The following MRPL19 variants were observed in gnomAD, a reference collection of about 807,000 sequenced individuals.
The protein encoded by MRPL19 is mitochondrial ribosomal protein L19, also known as large ribosomal subunit protein bL19m.
MRPL19 carries 31 observed loss-of-function variants against 34.0 expected under a neutral mutation model. The ratio of observed to expected loss-of-function variants is 0.91; its 90% CI spans 0.68 to 1.23. The LOEUF (loss-of-function observed/expected upper bound fraction) is 1.23, where lower values mean the gene tolerates loss of function less well. MRPL19 is among the 50% of genes most tolerant of loss of function. The pLI is 0.00. For missense variants in MRPL19, 384 were observed against 367.6 expected, an observed-to-expected ratio of 1.04 and a Z score of -0.37; for synonymous variants, 152 against 127.7, an observed-to-expected ratio of 1.19 and a Z score of -1.28.
Position 75,654,784 on chromosome 2 carries a change from AGGT to A in MRPL19, c.528_530del (p.Val177del). The A allele has an allele frequency of 6.2e-7, 1 of 1,613,818 alleles. No homozygotes were observed. The highest frequency in any genetic ancestry group is 8.5e-7 in the Non-Finnish European group (1 of 1,179,826). ...TATAATCCTCGGGTCCAGGAGATTCAGGTGGTCAAATTAGAGAAACGGCTGGAT... is the reference window on the plus strand; with the variant it reads ...TATAATCCTCGGGTCCAGGAGATTCAGGTCAAATTAGAGAAACGGCTGGAT... On this transcript the variant is annotated inframe_deletion, in exon 5 of 6. Coordinates refer to ENST00000393909, the MANE Select transcript of MRPL19 (RefSeq NM_014763.4).
rs1678483857 is a variant in MRPL19 at position 75,657,421 on chromosome 2, G to A, written c.*2136G>A. On this transcript the variant is annotated 3_prime_UTR_variant, in exon 6 of 6. Coordinates refer to ENST00000393909, the MANE Select transcript of MRPL19 (RefSeq NM_014763.4). ...GGGGTCTGTCAGACAGCAGCTTTCA[G>A]CTACTTCCTTGATCTTTTTCACTAA... 6.6e-6 allele frequency: 1 copy of A among 152,062 alleles called. No homozygotes were observed. Among genetic ancestry groups the A allele is most frequent in the Admixed American group, 6.6e-5 (1 of 15,264 alleles). The allele number at this position is 152,062 out of a possible 1,614,324, so 9.4% of individuals were successfully genotyped here. A position where few individuals can be genotyped will look rare whatever the true frequency, so the allele number is the denominator to read the frequency against.
intron 4 of MRPL19, among the ~76,000 whole-genome samples, chr2:75,653,898 GCA>G (rs1377122416): frequency 6.6e-6 from 1 of 152,058 alleles, no homozygotes; most frequent in Non-Finnish European, 1.5e-5. Flanking sequence ...AGTTTTCTTG[GCA>G]CAGTCTCCAA....
chr2:75,651,399 G>T, intron 2 of MRPL19: 1 of 537,454 alleles, frequency 1.9e-6, no homozygotes, highest in South Asian at 1.4e-5. Flanking sequence ...TAAAGTTACT[G>T]ACTCGCTGCC....
rs1678585635 is a variant in MRPL19, at chr2:75,660,460, TG to T, written c.*5177del. 1 of 152,204 alleles carries T rather than the reference TG, an allele frequency of 6.6e-6. No individual in the cohort carries two copies. The highest frequency in any genetic ancestry group is 1.5e-5 in the Non-Finnish European group (1 of 68,036). The allele number at this position is 152,204 out of a possible 1,614,324, so 9.4% of individuals were successfully genotyped here. A position where few individuals can be genotyped will look rare whatever the true frequency, so the allele number is the denominator to read the frequency against. On this transcript the variant is annotated 3_prime_UTR_variant, in exon 6 of 6. Transcript: ENST00000393909. ...AACTGTATGTTTGAACATCATAACG[TG>T]GTGGCCCTGAAAATCAGATATTCCC...
rs903976083 is a variant in MRPL19 at position 75,656,710 on chromosome 2, T to C, written c.*1425T>C. 23 of 152,206 alleles carry C rather than the reference T, an allele frequency of 1.5e-4. No homozygotes were observed. The highest frequency in any genetic ancestry group is 5.5e-4 in the African/African-American group (23 of 41,448). The allele number at this position is 152,206 out of a possible 1,614,324, so 9.4% of individuals were successfully genotyped here. On this transcript the variant is annotated 3_prime_UTR_variant, in exon 6 of 6. Transcript: ENST00000393909. Reference sequence around the variant, plus strand: ...CATTTTGATTTCCCCATCATAAATTTCATGATGATGTGTCTTGGTGTGGGT... The same window carrying C: ...CATTTTGATTTCCCCATCATAAATTCCATGATGATGTGTCTTGGTGTGGGT...
chr2:75,650,436 C>G (rs3771872), intron 2 of MRPL19, among the ~76,000 whole-genome samples: 1 of 152,066 alleles, frequency 6.6e-6, no homozygotes, highest in Non-Finnish European at 1.5e-5. Flanking sequence ...GAACCAGCAA[C>G]TTAGGGAAAT....
chr2:75,658,953 G>GTT lies in MRPL19; in HGVS notation c.*3673_*3674dup, dbSNP rs913764790. Among the ~76,000 whole-genome samples, 1 of 151,706 alleles carries GTT rather than the reference G, an allele frequency of 6.6e-6. No homozygotes were observed. Among genetic ancestry groups the GTT allele is most frequent in the African/African-American group, 2.4e-5 (1 of 41,288 alleles). On this transcript the variant is annotated 3_prime_UTR_variant, in exon 6 of 6. Transcript: ENST00000393909. The stretch of plus-strand genomic sequence containing the variant: ...GCATATCACTATCTTGTTTTGTTTT[G>GTT]TTTTTTCTGTCCATTCTGCCAATTT...
At position 75,656,674 on chromosome 2, in the gene MRPL19, A is replaced by C. The variant is rs1678461175; in HGVS notation, c.*1389A>C. 6.6e-6 allele frequency: 1 copy of C among 151,982 alleles called. No homozygotes were observed. Among genetic ancestry groups the C allele is most frequent in the Non-Finnish European group, 1.5e-5 (1 of 67,978 alleles). The allele number at this position is 151,982 out of a possible 1,614,324, so 9.4% of individuals were successfully genotyped here. A position where few individuals can be genotyped will look rare whatever the true frequency, so the allele number is the denominator to read the frequency against. ...TCTTTGTTTCTATTGTTGTATTGAGAAATCCAATGCCATTTTGATTTCCCC... is the reference window on the plus strand; with the variant it reads ...TCTTTGTTTCTATTGTTGTATTGAGCAATCCAATGCCATTTTGATTTCCCC... On this transcript the variant is annotated 3_prime_UTR_variant, in exon 6 of 6. Transcript: ENST00000393909.
At position 75,652,526 on chromosome 2, in the gene MRPL19, G is replaced by A; in HGVS notation, c.344G>A (p.Ser115Asn). ...VLHIPEFYVG[S>N]ILRVTTADPY... ...CACTTCTCTTTTGAATTTGTAGGAA[G>A]TATTCTTCGTGTTACTACAGCTGAC... Residue 115 changes from serine (S) to asparagine (N), a missense_variant, in exon 4 of 6, where the codon AGT (serine) becomes AAT (asparagine). Ser to Asn is a conservative substitution (Grantham distance 46). Coordinates refer to ENST00000393909, the MANE Select transcript of MRPL19 (RefSeq NM_014763.4). 1 of 1,610,210 alleles carries A rather than the reference G, an allele frequency of 6.2e-7. No individual in the cohort carries two copies. Among genetic ancestry groups the A allele is most frequent in the Non-Finnish European group, 8.5e-7 (1 of 1,178,904 alleles).
At chr2:75,651,382 C>T (rs1178868838) in intron 2 of MRPL19, 1 of 535,556 alleles carries the variant, frequency 1.9e-6, no homozygotes, top group East Asian at 5.4e-5. Flanking sequence ...CGCATATGTA[C>T]CTGGCTTAAA....
Position 75,660,343 on chromosome 2 carries a change from T to C in MRPL19, c.*5058T>C, listed in dbSNP as rs1678579405. The C allele has an allele frequency of 6.6e-6, 1 of 152,210 alleles. No individual in the cohort carries two copies. The highest frequency in any genetic ancestry group is 1.5e-5 in the Non-Finnish European group (1 of 68,032). The allele number at this position is 152,210 out of a possible 1,614,324, so 9.4% of individuals were successfully genotyped here. ...TAAAGTCTTTGCATAGTAAGTCCAA[T>C]GTCTGTGTTTCTTCAGGGATGGTTT... On this transcript the variant is annotated 3_prime_UTR_variant, in exon 6 of 6. Coordinates refer to ENST00000393909, the MANE Select transcript of MRPL19 (RefSeq NM_014763.4).
At chr2:75,647,364 ACTGTTCTT>A (rs1678247509) in intron 2 of MRPL19, 145 bp downstream of exon 2, 2 of 716,136 alleles carry the variant, frequency 2.8e-6, no homozygotes, top group East Asian at 6.0e-5. Flanking sequence ...AGCGCACCAC[ACTGTTCTT>A]TCTTTCTCAC....
intron 4 of MRPL19, among the ~76,000 whole-genome samples, chr2:75,652,939 A>C (rs138463439): frequency 2.0e-4 from 31 of 152,382 alleles, no homozygotes; most frequent in African/African-American, 7.0e-4. Flanking sequence ...ATAAATTACT[A>C]TAAAGCAGTA....
chr2:75,648,522 A>C lies in MRPL19; in HGVS notation c.221+1303A>C, dbSNP rs181255220. Among the ~76,000 whole-genome samples the C allele has an allele frequency of 1.8e-3, 277 of 152,286 alleles. 2 individuals carry two copies. The highest frequency in any genetic ancestry group is 0.01 in the Middle Eastern group (3 of 294). On this transcript the variant is annotated intron_variant, in intron 2 of 5. Transcript: ENST00000393909. ...TTTCACAAATCTGTGTGTAAAAAAA[A>C]CCTTTAGAATCATTAATGTAGTAGG...
At chr2:75,651,705 T>C in intron 2 of MRPL19, 1 of 314,756 alleles carries the variant, frequency 3.2e-6, no homozygotes, top group Non-Finnish European at 6.2e-6. Context: ...TCTGACATAA[T>C]TTATTATAGC....
intron 2 of MRPL19, among the ~76,000 whole-genome samples, chr2:75,649,574 G>A (rs879124353): frequency 3.9e-5 from 6 of 152,140 alleles, no homozygotes; most frequent in Admixed American, 2.0e-4. Flanking sequence ...GAAGGGTATC[G>A]TGATAATATA....
In MRPL19 at chr2:75,654,860, T is replaced by C. The variant is rs567728815; in HGVS notation, c.600T>C (p.Phe200=). Residue 200 remains phenylalanine (F), a synonymous_variant, in exon 5 of 6, where the codon TTT becomes TTC. Transcript: ENST00000393909. ...ATGCCCTTCCTGAATATAGCACTTT[T>C]GATGTGAATATGAAGCCAGTAGTAC... ...LRDALPEYST[F]DVNMKPVVQE... The C allele has an allele frequency of 4.2e-5, 68 of 1,613,810 alleles. No individual in the cohort carries two copies. The East Asian group carries it at 6.0e-4, about 14-fold the overall frequency.
At chr2:75,647,270 G>C in intron 2 of MRPL19, 51 bp downstream of exon 2, 1 of 1,513,284 alleles carries the variant, frequency 6.6e-7, no homozygotes, top group Non-Finnish European at 8.9e-7. Flanking sequence ...GTGCGCGCGT[G>C]AGCGCGTTCG....
At position 75,656,920 on chromosome 2, in the gene MRPL19, C is replaced by T. The variant is rs780243750; in HGVS notation, c.*1635C>T. On this transcript the variant is annotated 3_prime_UTR_variant, in exon 6 of 6. Transcript: ENST00000393909. ...TATTTTCTTACCTCCCTCCCTTGAC[C>T]CCAGTCTCTGTTTTTTAGCTCTTTA... The T allele has an allele frequency of 1.3e-5, 2 of 152,028 alleles. No individual in the cohort carries two copies. Among genetic ancestry groups the T allele is most frequent in the Non-Finnish European group, 2.9e-5 (2 of 67,992 alleles). The allele number at this position is 152,028 out of a possible 1,614,324, so 9.4% of individuals were successfully genotyped here. A position where few individuals can be genotyped will look rare whatever the true frequency, so the allele number is the denominator to read the frequency against.
Sources: gnomAD v4.1 joint callset for allele counts (sites outside exome capture counted in the v4.1 genomes callset) on GRCh38, gnomAD v4.1.1 for gene constraint, MANE v1.5 for transcripts, NCBI Gene and HGNC (gene_info 2026-07-23, HGNC 2026-07-21) for gene names.